The following CACNA1C variants were observed in gnomAD, a reference collection of about 807,000 sequenced individuals.
CACNA1C encodes calcium voltage-gated channel subunit alpha1 C.
CACNA1C carries 30 observed loss-of-function variants against 229.0 expected under a neutral mutation model. That is an observed-to-expected ratio of 0.13 (90% CI 0.10 to 0.18). The LOEUF (loss-of-function observed/expected upper bound fraction) is 0.18, where lower values mean the gene tolerates loss of function less well. CACNA1C is among the 10% of genes least tolerant of loss of function. The probability of loss-of-function intolerance (pLI) is 1.00; values close to 1 mark genes in which losing one functional copy is unlikely to be tolerated. For missense variants in CACNA1C, 1,658 were observed against 2,845.0 expected (o/e 0.58, Z 9.49); for synonymous variants, 1,114 against 1,132.5 (o/e 0.98, Z 0.33).
At chr12:2,192,758 C>T (rs1339784891) in intron 3 of CACNA1C, among the ~76,000 whole-genome samples, 2 of 151,762 alleles carry the variant, frequency 1.3e-5, no homozygotes, top group African/African-American at 4.8e-5. Flanking sequence ...GCACTCCCCC[C>T]ACTCTCCCCC....
At chr12:2,508,968 A>G (rs922428778) in intron 8 of CACNA1C, among the ~76,000 whole-genome samples, 1 of 152,226 alleles carries the variant, frequency 6.6e-6, no homozygotes, top group African/African-American at 2.4e-5. Flanking sequence ...ACATTCTTGA[A>G]ATTGCACTTG....
intron 1 of CACNA1C, among the ~76,000 whole-genome samples, chr12:2,076,263 CT>C (rs796287516): frequency 4.6e-5 from 7 of 152,346 alleles, no homozygotes; most frequent in African/African-American, 1.7e-4. Context: ...ACGTAACCTT[CT>C]GATTCACTGT....
rs1223754977 is a variant in CACNA1C at position 2,665,089 on chromosome 12, A to G, written c.4398+99A>G. On this transcript the variant is annotated intron_variant, in intron 35 of 46. Coordinates refer to ENST00000399655, the MANE Select transcript of CACNA1C (RefSeq NM_000719.7). The surrounding 1 kb of genome is among the most constrained non-coding windows in gnomAD (Gnocchi z 5.9). ...TGCAGCTCATGGTCAGGGCAACCCT[A>G]TCAGAGGAGCTGGCTTGGGAAGACT... 6 of 1,292,344 alleles carry G rather than the reference A, an allele frequency of 4.6e-6. No individual in the cohort carries two copies. The highest frequency in any genetic ancestry group is 6.6e-6 in the Non-Finnish European group (6 of 910,828). 80.1% of individuals were successfully genotyped at this position (1,292,344 alleles called of 1,614,324 possible). A position where few individuals can be genotyped will look rare whatever the true frequency, so the allele number is the denominator to read the frequency against.
At chr12:2,667,332 T>TGGCCACTCCACGCTCC (rs1569149779) in intron 37 of CACNA1C, among the ~76,000 whole-genome samples, 5 of 152,148 alleles carry the variant, frequency 3.3e-5, no homozygotes, top group African/African-American at 1.2e-4. Context: ...GTGCTCCTTG[T>TGGCCACTCCACGCTCC]TGGGGCAATA....
chr12:2,254,398 C>T (rs1182076265), intron 3 of CACNA1C, among the ~76,000 whole-genome samples: 1 of 152,210 alleles, frequency 6.6e-6, no homozygotes, highest in Admixed American at 6.5e-5. Context: ...TAGACACATA[C>T]TCCAGTCTGT....
intron 5 of CACNA1C, among the ~76,000 whole-genome samples, chr12:2,481,769 C>G (rs532455797): frequency 2.0e-5 from 3 of 152,342 alleles, no homozygotes; most frequent in South Asian, 4.1e-4. Context: ...ATGTGTTTGT[C>G]AGATCTTACC....
intron 3 of CACNA1C, among the ~76,000 whole-genome samples, chr12:2,435,654 A>C (rs1290167573): frequency 6.6e-6 from 1 of 152,218 alleles, no homozygotes; most frequent in Non-Finnish European, 1.5e-5. Context: ...CAACCATGAC[A>C]TGCTGCAGGC....
rs561311841 is a variant in CACNA1C, at chr12:2,665,849, G to A, written c.4526+141G>A. On this transcript the variant is annotated intron_variant, in intron 36 of 46. Transcript: ENST00000399655. The surrounding 1 kb of genome is among the most constrained non-coding windows in gnomAD (Gnocchi z 5.9). ...ATTGTATCACACCCTAGGGTGAAAGGTCAAGGGCCAGCAGGAGGAGGCCCG... is the reference window on the plus strand; with the variant it reads ...ATTGTATCACACCCTAGGGTGAAAGATCAAGGGCCAGCAGGAGGAGGCCCG... 208 of 821,990 alleles carry A rather than the reference G, an allele frequency of 2.5e-4. No homozygotes were observed. The South Asian group carries it at 4.3e-3, about 17-fold the overall frequency. The allele number at this position is 821,990 out of a possible 1,614,324, so 50.9% of individuals were successfully genotyped here.
chr12:2,064,612 A>C lies in CACNA1C; in HGVS notation c.49+11001A>C, dbSNP rs555762421. On this transcript the variant is annotated intron_variant, in intron 1 of 46. Transcript: ENST00000399655. ...TAGGCAAGAGAGGCAAAAACGTGAG[A>C]AGAAAGGTAAACAGTCCGGGGAGAA... Among the ~76,000 whole-genome samples the C allele has an allele frequency of 3.0e-4, 45 of 152,314 alleles. No individual in the cohort carries two copies. In the South Asian group the frequency reaches 9.1e-3, roughly 31 times the overall value.
At chr12:2,184,765 G>A (rs1051113910) in intron 3 of CACNA1C, among the ~76,000 whole-genome samples, 6 of 152,134 alleles carry the variant, frequency 3.9e-5, no homozygotes, top group South Asian at 2.1e-4. Context: ...CAAACAAGGC[G>A]CCGTGGAGAG....
At position 2,280,118 on chromosome 12, in the gene CACNA1C, CTT is replaced by C. The variant is rs2090552623; in HGVS notation, c.477+159689_477+159690del. Among the ~76,000 whole-genome samples, 6 of 152,252 alleles carry C rather than the reference CTT, an allele frequency of 3.9e-5. 1 individual carries two copies. In the South Asian group the frequency reaches 1.2e-3, roughly 32 times the overall value. ...TATTCAACCAATTTGCTGTTGATGC[CTT>C]GCTGTGCTTCGGTTTAACCTCTTGA... On this transcript the variant is annotated intron_variant, in intron 3 of 46. Transcript: ENST00000399655.
At chr12:2,312,139 G>C (rs1272583813) in intron 3 of CACNA1C, among the ~76,000 whole-genome samples, 1 of 152,152 alleles carries the variant, frequency 6.6e-6, no homozygotes, top group Non-Finnish European at 1.5e-5. Context: ...CCCTGGAGCT[G>C]ACCAATCCTT....
intron 9 of CACNA1C, among the ~76,000 whole-genome samples, chr12:2,521,691 G>C (rs1356034762): frequency 6.6e-6 from 1 of 152,142 alleles, no homozygotes; most frequent in Admixed American, 6.5e-5. Flanking sequence ...CAGTCAAGTC[G>C]TATGGGCTGT....
chr12:2,452,633 A>C (rs962133466), intron 4 of CACNA1C, among the ~76,000 whole-genome samples: 1 of 152,190 alleles, frequency 6.6e-6, no homozygotes, highest in Admixed American at 6.5e-5. Context: ...CTCATTGAGG[A>C]GAAATACACC....
At chr12:2,004,766 C>T (rs931786966) in intron 1 of CACNA1C, 1 of 297,622 alleles carries the variant, frequency 3.4e-6, no homozygotes, top group Non-Finnish European at 6.3e-6. Context: ...TGTGTTCGAC[C>T]CCTTGGCATA....
intron 1 of CACNA1C, among the ~76,000 whole-genome samples, chr12:2,078,259 T>C (rs554783846): frequency 6.6e-6 from 1 of 152,366 alleles, no homozygotes; most frequent in Admixed American, 6.5e-5. Flanking sequence ...GAAATCCATC[T>C]GCTGGCACCT....
chr12:2,187,834 T>C (rs1160356978), intron 3 of CACNA1C, among the ~76,000 whole-genome samples: 4 of 152,108 alleles, frequency 2.6e-5, no homozygotes, highest in African/African-American at 9.7e-5. Flanking sequence ...CAGCAGAAGG[T>C]GGGGGGCTCC....
chr12:2,279,016 A>C (rs984092908), intron 3 of CACNA1C, among the ~76,000 whole-genome samples: 3 of 152,166 alleles, frequency 2.0e-5, no homozygotes, highest in African/African-American at 7.2e-5. Context: ...TCCTGTGGTT[A>C]TTGGCCACTC....
rs1465763711 is a variant in CACNA1C, at chr12:2,646,752, GAGAGAGAGAGAGAGAA to G, written c.3913-1707_3913-1692del. Among the ~76,000 whole-genome samples, 15 of 77,542 alleles carry G rather than the reference GAGAGAGAGAGAGAGAA, an allele frequency of 1.9e-4. No individual in the cohort carries two copies. The highest frequency in any genetic ancestry group is 1.2e-3 in the East Asian group (3 of 2,588). The allele number at this position is 77,542 out of a possible 152,430, so 50.9% of individuals were successfully genotyped here. ...AAATTTCTTCTGTGCATGCCTGTATGAGAGAGAGAGAGAGAAAGAGAGAGAGAGAGAGAGAGAGTGT... is the reference window on the plus strand; with the variant it reads ...AAATTTCTTCTGTGCATGCCTGTATGAGAGAGAGAGAGAGAGAGAGAGTGT... On this transcript the variant is annotated intron_variant, in intron 30 of 46. Transcript: ENST00000399655. This position sits in a 1 kb window ranked among gnomAD's most constrained non-coding sequence, Gnocchi z 4.6.
Sources: gnomAD v4.1 joint callset for allele counts (sites outside exome capture counted in the v4.1 genomes callset) on GRCh38, gnomAD v4.1.1 for gene constraint, Gnocchi (gnomAD v3.1) non-coding constraint, MANE v1.5 for transcripts, NCBI Gene and HGNC (gene_info 2026-07-23, HGNC 2026-07-21) for gene names.